CHAF1A: variants seen among roughly 807,000 people sequenced by gnomAD.
The protein encoded by CHAF1A is CAF-1 subunit A.
CHAF1A carries 5 observed loss-of-function variants against 93.2 expected under a neutral mutation model. That is an observed-to-expected ratio of 0.05 (90% CI 0.03 to 0.11). The LOEUF (loss-of-function observed/expected upper bound fraction) is 0.11. Among genes scored for constraint, CHAF1A ranks in the 10% least tolerant of loss-of-function variants. CHAF1A has a pLI of 1.00. For missense variants in CHAF1A, 1,102 were observed against 1,259.9 expected (o/e 0.87, Z 1.90); for synonymous variants, 504 against 510.3 (o/e 0.99, Z 0.17).
intron 12 of CHAF1A, 132 bp downstream of exon 12, chr19:4,432,339 T>A: frequency 9.5e-7 from 1 of 1,048,698 alleles, no homozygotes; most frequent in Non-Finnish European, 1.3e-6. Flanking sequence ...GCCAGCCCTT[T>A]TCCTGTACAT....
At chr19:4,446,923 G>A, downstream of CHAF1A, 1 of 1,613,650 alleles carries the variant, frequency 6.2e-7, no homozygotes, top group Admixed American at 1.7e-5. Context: ...ATGCGCTCCT[G>A]GGGGTGGAGA....
downstream of CHAF1A, chr19:4,446,666 T>C (rs146789207): frequency 3.7e-6 from 6 of 1,612,024 alleles, no homozygotes; most frequent in African/African-American, 5.3e-5. Flanking sequence ...CTCTCCAGGC[T>C]CTGGGGCTGG....
intron 13 of CHAF1A, 109 bp from the exon 14 acceptor site, chr19:4,442,136 T>C (rs1391387402): frequency 3.6e-6 from 3 of 823,126 alleles, no homozygotes; most frequent in South Asian, 1.5e-5. Flanking sequence ...TCCTTCCGTG[T>C]TGGGGGTGGG....
downstream of CHAF1A, chr19:4,448,180 T>C (rs1974577921): frequency 4.1e-6 from 3 of 738,088 alleles, no homozygotes; most frequent in South Asian, 5.2e-5. Context: ...TGGGTGGAGC[T>C]GCCTCACTCT....
chr19:4,432,634 C>T (rs888935049), intron 12 of CHAF1A, among the ~76,000 whole-genome samples: 2 of 151,986 alleles, frequency 1.3e-5, no homozygotes, highest in African/African-American at 4.8e-5. Context: ...GTATCACGCA[C>T]CTGTGATCCC....
intron 2 of CHAF1A, among the ~76,000 whole-genome samples, chr19:4,408,618 C>T (rs190251594): frequency 1.3e-4 from 20 of 151,174 alleles, no homozygotes; most frequent in Admixed American, 1.1e-3. Context: ...GTATTACAGG[C>T]GTGTGCCACC....
rs191857390 is a variant in CHAF1A at position 4,409,890 on chromosome 19, G to T, written c.960+131G>T. 5.0e-3 allele frequency: 5,068 copies of T among 1,006,104 alleles called. 22 individuals are homozygous for T. The highest frequency in any genetic ancestry group is 6.7e-3 in the Non-Finnish European group (4,642 of 696,274). 62.3% of individuals were successfully genotyped at this position (1,006,104 alleles called of 1,614,324 possible). A position where few individuals can be genotyped will look rare whatever the true frequency, so the allele number is the denominator to read the frequency against. Reference sequence around the variant, plus strand: ...CACGGGCTGGGTCCTGGGACTCGACGTGGAGTTCTTCCTGGTATCAAAACT... The same window carrying T: ...CACGGGCTGGGTCCTGGGACTCGACTTGGAGTTCTTCCTGGTATCAAAACT... On this transcript the variant is annotated intron_variant, in intron 3 of 14. Transcript: ENST00000301280.
intron 3 of CHAF1A, among the ~76,000 whole-genome samples, chr19:4,411,765 A>G (rs936432275): frequency 1.3e-5 from 2 of 149,146 alleles, no homozygotes; most frequent in Non-Finnish European, 3.0e-5. Flanking sequence ...TTCCTGCGTC[A>G]GCCTCTTGAG....
downstream of CHAF1A, chr19:4,448,395 C>T (rs1974584894): frequency 1.9e-6 from 3 of 1,585,448 alleles, no homozygotes; most frequent in East Asian, 2.3e-5. Flanking sequence ...TGGAGGCGGC[C>T]ACTGGGTCGG....
At chr19:4,425,709 A>G (rs1471025008) in intron 7 of CHAF1A, among the ~76,000 whole-genome samples, 1 of 152,176 alleles carries the variant, frequency 6.6e-6, no homozygotes, top group Non-Finnish European at 1.5e-5. Flanking sequence ...TTCTCTGCAC[A>G]CATGCATTCC....
At chr19:4,420,352 C>G (rs1973969779) in intron 4 of CHAF1A, among the ~76,000 whole-genome samples, 1 of 152,140 alleles carries the variant, frequency 6.6e-6, no homozygotes, top group African/African-American at 2.4e-5. Flanking sequence ...GAGCGATTCT[C>G]CTGCCTCGGT....
chr19:4,442,121 T>G, intron 13 of CHAF1A, 124 bp from the exon 14 acceptor site: 1 of 735,946 alleles, frequency 1.4e-6, no homozygotes, highest in Non-Finnish European at 2.4e-6. Context: ...TTCTGGATGT[T>G]GGTTTCCTTC....
At chr19:4,403,998 T>C (rs1973635469) in intron 1 of CHAF1A, among the ~76,000 whole-genome samples, 1 of 152,190 alleles carries the variant, frequency 6.6e-6, no homozygotes, top group African/African-American at 2.4e-5. Context: ...TTTTGTATTT[T>C]TTAGTAGAGA....
At chr19:4,426,293 G>A (rs914052448) in intron 7 of CHAF1A, among the ~76,000 whole-genome samples, 1 of 149,750 alleles carries the variant, frequency 6.7e-6, no homozygotes, top group Non-Finnish European at 1.5e-5. Flanking sequence ...TCAGCCTCCC[G>A]AGTAGCTGGG....
chr19:4,418,966 G>A (rs1026173108), intron 4 of CHAF1A, among the ~76,000 whole-genome samples: 2 of 151,460 alleles, frequency 1.3e-5, no homozygotes, highest in African/African-American at 4.9e-5. Flanking sequence ...GGGTTCAAGC[G>A]GTTCTTCTGC....
At chr19:4,437,627 T>C (rs1031051764) in intron 13 of CHAF1A, among the ~76,000 whole-genome samples, 1 of 152,216 alleles carries the variant, frequency 6.6e-6, no homozygotes, top group African/African-American at 2.4e-5. Flanking sequence ...AGCTGCTGAC[T>C]GATGCTTCTG....
chr19:4,417,212 C>T (rs1442140640), intron 3 of CHAF1A, among the ~76,000 whole-genome samples: 4 of 152,066 alleles, frequency 2.6e-5, no homozygotes. Flanking sequence ...CTCAAGTGAT[C>T]CTCCCGCCTT....
chr19:4,445,296 T>C (rs1046189202), downstream of CHAF1A: 7 of 808,460 alleles, frequency 8.7e-6, no homozygotes, highest in Non-Finnish European at 1.3e-5. Context: ...CTCGGGGGCT[T>C]GGGCGCATCC....
At chr19:4,419,155 C>T (rs1044117566) in intron 4 of CHAF1A, among the ~76,000 whole-genome samples, 129 of 149,756 alleles carry the variant, frequency 8.6e-4, no homozygotes, top group African/African-American at 3.1e-3. Context: ...GCTAGGATTA[C>T]AGGCCTGAGC....
Sources: allele counts gnomAD v4.1 joint callset (sites outside exome capture counted in the v4.1 genomes callset), GRCh38; gene constraint gnomAD v4.1.1; transcripts MANE v1.5; gene names NCBI Gene and HGNC (gene_info 2026-07-23, HGNC 2026-07-21).